The following ADAMTS17 variants were observed in gnomAD, a reference collection of about 807,000 sequenced individuals.
The protein encoded by ADAMTS17 is ADAM metallopeptidase with thrombospondin type 1 motif 17.
A neutral mutation model predicts 141.5 loss-of-function variants in ADAMTS17; 113 were observed. That is an observed-to-expected ratio of 0.80 (90% CI 0.69 to 0.93). The LOEUF is 0.93. ADAMTS17 is among the 40% of genes least tolerant of loss of function. The pLI is 0.00. For missense variants in ADAMTS17, 1,659 were observed against 1,517.9 expected (o/e 1.09, Z -1.54); for synonymous variants, 768 against 630.6 (o/e 1.22, Z -3.27).
chr15:100,303,049 T>C (rs994032283), intron 3 of ADAMTS17, among the ~76,000 whole-genome samples: 5 of 150,948 alleles, frequency 3.3e-5, no homozygotes, highest in African/African-American at 1.2e-4. Flanking sequence ...TGGCCTATTG[T>C]GGGACCTTAT....
chr15:100,275,593 G>C (rs980547708), intron 4 of ADAMTS17, among the ~76,000 whole-genome samples: 3 of 152,154 alleles, frequency 2.0e-5, no homozygotes, highest in Non-Finnish European at 2.9e-5. Flanking sequence ...TCCCGGACTG[G>C]AGTCCTTGCC....
chr15:100,070,704 G>A (rs886337671), intron 15 of ADAMTS17, among the ~76,000 whole-genome samples: 1 of 149,696 alleles, frequency 6.7e-6, no homozygotes, highest in African/African-American at 2.5e-5. Context: ...CGAGAACAAA[G>A]ACACAACATA....
At chr15:100,190,186 T>A (rs1487690739) in intron 8 of ADAMTS17, among the ~76,000 whole-genome samples, 24 of 152,190 alleles carry the variant, frequency 1.6e-4, no homozygotes, top group Admixed American at 1.6e-3. Context: ...CTGATGTATA[T>A]TTTTTTCCAA....
At position 100,166,044 on chromosome 15, in the gene ADAMTS17, G is replaced by A. The variant is rs536429619; in HGVS notation, c.1182-10724C>T. On this transcript the variant is annotated intron_variant, in intron 8 of 21. Coordinates refer to ENST00000268070, the MANE Select transcript of ADAMTS17 (RefSeq NM_139057.4). ...GGAGAAATCACATCATTAGAAGTTTGAGTCTTGCCATCTTAGGACATAGGG... is the reference window on the plus strand; with the variant it reads ...GGAGAAATCACATCATTAGAAGTTTAAGTCTTGCCATCTTAGGACATAGGG... Among the ~76,000 whole-genome samples, 89 of 152,204 alleles carry A rather than the reference G, an allele frequency of 5.8e-4. 1 individual carries two copies. The highest frequency in any genetic ancestry group is 5.9e-4 in the Non-Finnish European group (40 of 68,042).
chr15:100,210,178 C>T (rs188391479), intron 7 of ADAMTS17, among the ~76,000 whole-genome samples: 14 of 139,026 alleles, frequency 1.0e-4, no homozygotes, highest in Admixed American at 3.0e-4. Context: ...TTGCAGTGAG[C>T]CGAGATCGTG....
At chr15:100,247,954 C>T (rs1355863219) in intron 7 of ADAMTS17, among the ~76,000 whole-genome samples, 8 of 152,182 alleles carry the variant, frequency 5.3e-5, no homozygotes, top group Admixed American at 4.6e-4. Context: ...CTACCAAGCT[C>T]CCCTCAGGCC....
At chr15:100,165,585 A>C (rs187462338) in intron 8 of ADAMTS17, among the ~76,000 whole-genome samples, 1 of 152,226 alleles carries the variant, frequency 6.6e-6, no homozygotes, top group East Asian at 1.9e-4. Flanking sequence ...TGACTTGAAT[A>C]GACTCTGAGT....
intron 15 of ADAMTS17, among the ~76,000 whole-genome samples, chr15:100,061,903 G>T (rs1289821312): frequency 6.6e-6 from 1 of 152,244 alleles, no homozygotes; most frequent in Non-Finnish European, 1.5e-5. Flanking sequence ...TGCATGGGTT[G>T]GGAAGGGGAA....
intron 7 of ADAMTS17, among the ~76,000 whole-genome samples, chr15:100,221,765 G>C (rs997804458): frequency 6.6e-6 from 1 of 152,210 alleles, no homozygotes; most frequent in Non-Finnish European, 1.5e-5. Flanking sequence ...CTGAGAGCTG[G>C]TGTGAAATTA....
intron 7 of ADAMTS17, among the ~76,000 whole-genome samples, chr15:100,237,395 G>A (rs942855400): frequency 1.3e-5 from 2 of 152,134 alleles, no homozygotes; most frequent in African/African-American, 4.8e-5. Context: ...CCTCAGCCCT[G>A]CCCTGGCTGA....
chr15:100,132,016 T>C lies in ADAMTS17; in HGVS notation c.1712A>G (p.Asp571Gly). Residue 571 changes from aspartate to glycine, a missense_variant, in exon 12 of 22, where the codon GAC (aspartate) becomes GGC (glycine). By Grantham distance (94) the Asp-to-Gly change is moderately conservative. Coordinates refer to ENST00000268070, the MANE Select transcript of ADAMTS17 (RefSeq NM_139057.4). The part of the protein sequence containing the change: ...TGARFRQRKC[D>G]NPPPGPGGTH... ...TGGTCAGGGGACTTACGGGGGGTTG[T>C]CACATTTCCTCTGCCTGAAGCGGGC... 6.2e-7 allele frequency: 1 copy of C among 1,614,200 alleles called. No homozygotes were observed.
At chr15:100,154,964 A>T (rs1036639564) in intron 9 of ADAMTS17, among the ~76,000 whole-genome samples, 3 of 152,126 alleles carry the variant, frequency 2.0e-5, no homozygotes, top group Admixed American at 6.5e-5. Context: ...CAATTACGTA[A>T]TGATCACCCA....
Position 100,100,206 on chromosome 15 carries a change from G to A in ADAMTS17, c.2017-3730C>T, listed in dbSNP as rs148582772. Among the ~76,000 whole-genome samples the A allele has an allele frequency of 2.0e-5, 3 of 152,326 alleles. No homozygotes were observed. In the East Asian group the frequency reaches 5.8e-4, roughly 29 times the overall value. ...AGTGTGTGCTAAAGATGCCCTGGAA[G>A]CCAAGGATGGCTCCTGTCTGATTCT... On this transcript the variant is annotated intron_variant, in intron 14 of 21. Transcript: ENST00000268070.
rs1380198947 is a variant in ADAMTS17 at position 99,971,879 on chromosome 15, G to T, written c.*2523C>A. On this transcript the variant is annotated 3_prime_UTR_variant, in exon 22 of 22. Coordinates refer to ENST00000268070, the MANE Select transcript of ADAMTS17 (RefSeq NM_139057.4). ...ACATCACTGCTGTGATCAGCATCTAGTGGAACAAGAATGTTTATGATGGTT... is the reference window on the plus strand; with the variant it reads ...ACATCACTGCTGTGATCAGCATCTATTGGAACAAGAATGTTTATGATGGTT... The T allele has an allele frequency of 6.6e-6, 1 of 152,260 alleles. No individual in the cohort carries two copies. Among genetic ancestry groups the T allele is most frequent in the African/African-American group, 2.4e-5 (1 of 41,456 alleles). 9.4% of individuals were successfully genotyped at this position (152,260 alleles called of 1,614,324 possible). A position where few individuals can be genotyped will look rare whatever the true frequency, so the allele number is the denominator to read the frequency against.
At chr15:100,168,466 T>G (rs948618404) in intron 8 of ADAMTS17, 4 of 152,176 alleles carry the variant, frequency 2.6e-5, no homozygotes, top group African/African-American at 9.7e-5. Flanking sequence ...CTTCTGAGCC[T>G]AGAGAGTAAT....
intron 8 of ADAMTS17, among the ~76,000 whole-genome samples, chr15:100,188,658 T>C (rs1309851678): frequency 1.3e-5 from 2 of 152,240 alleles, no homozygotes; most frequent in Non-Finnish European, 2.9e-5. Flanking sequence ...ATGTCTGGAC[T>C]AGAGTGAGGT....
chr15:99,989,307 G>A (rs2060648641), intron 20 of ADAMTS17, among the ~76,000 whole-genome samples: 3 of 152,336 alleles, frequency 2.0e-5, no homozygotes, highest in South Asian at 4.1e-4. Flanking sequence ...GGCAGATGTG[G>A]CCCAAGCCTA....
At position 100,298,868 on chromosome 15, in the gene ADAMTS17, A is replaced by T. The variant is rs949613978; in HGVS notation, c.617-17467T>A. On this transcript the variant is annotated intron_variant, in intron 3 of 21. Transcript: ENST00000268070. The stretch of plus-strand genomic sequence containing the variant: ...CAATGCACTTAAATGAAAGAAATTT[A>T]CTTCTCACAGTCCCAGAGGCTGGAA... 2.4e-4 allele frequency among the ~76,000 whole-genome samples: 37 copies of T among 152,190 alleles called. 1 individual carries two copies. The highest frequency in any genetic ancestry group is 8.2e-4 in the African/African-American group (34 of 41,456).
chr15:100,160,531 G>A (rs2039642532), intron 8 of ADAMTS17, among the ~76,000 whole-genome samples: 1 of 152,192 alleles, frequency 6.6e-6, no homozygotes, highest in African/African-American at 2.4e-5. Context: ...TTCCCACAGG[G>A]CCTCTTCTCC....
Sources: allele counts gnomAD v4.1 joint callset (sites outside exome capture counted in the v4.1 genomes callset), GRCh38; gene constraint gnomAD v4.1.1; transcripts MANE v1.5; gene names NCBI Gene and HGNC (gene_info 2026-07-23, HGNC 2026-07-21).